MAF: variants seen among roughly 807,000 people sequenced by gnomAD.
MAF encodes the protein MAF bZIP transcription factor.
MAF carries 10 observed loss-of-function variants against 22.0 expected under a neutral mutation model. That is an observed-to-expected ratio of 0.45 (90% CI 0.28 to 0.77). The LOEUF (loss-of-function observed/expected upper bound fraction) is 0.77, where lower values mean the gene tolerates loss of function less well. MAF is among the 30% of genes least tolerant of loss of function. MAF has a pLI of 0.12. For synonymous variants in MAF, 337 were observed against 255.8 expected (o/e 1.32, Z -3.03); for missense variants, 544 against 548.4 (o/e 0.99, Z 0.08).
chr16:79,283,724 T>A, the MAF span, among the ~76,000 whole-genome samples: 1 of 152,100 alleles, frequency 6.6e-6, no homozygotes, highest in African/African-American at 2.4e-5. Context: ...ACAAAGGAAC[T>A]AATATTCTGA....
the MAF span, among the ~76,000 whole-genome samples, chr16:79,362,656 AGTTAGATC>A: frequency 1.3e-5 from 2 of 152,248 alleles, no homozygotes; most frequent in South Asian, 4.1e-4. Context: ...GGGGTAGTCA[AGTTAGATC>A]TAATAAGCCT....
At chr16:79,571,785 A>T in the MAF span, among the ~76,000 whole-genome samples, 3 of 152,088 alleles carry the variant, frequency 2.0e-5, no homozygotes, top group South Asian at 4.2e-4. Flanking sequence ...AGGAGCTCCA[A>T]CTGGACCCAT....
At chr16:79,308,594 T>C in the MAF span, among the ~76,000 whole-genome samples, 1 of 152,220 alleles carries the variant, frequency 6.6e-6, no homozygotes, top group Non-Finnish European at 1.5e-5. Flanking sequence ...TTTTCTGTTA[T>C]GCAAAAGCAT....
the MAF span, among the ~76,000 whole-genome samples, chr16:79,249,728 C>G: frequency 1.3e-5 from 2 of 152,166 alleles, no homozygotes; most frequent in Non-Finnish European, 2.9e-5. Context: ...GATACCCTCC[C>G]TGGCTGTTCC....
At chr16:79,345,177 A>G in the MAF span, among the ~76,000 whole-genome samples, 2 of 146,358 alleles carry the variant, frequency 1.4e-5, no homozygotes, top group Non-Finnish European at 3.0e-5. Context: ...AATGATTTGT[A>G]TAGTCTTCTC....
chr16:79,433,324 G>C, the MAF span, among the ~76,000 whole-genome samples: 2 of 150,280 alleles, frequency 1.3e-5, no homozygotes, highest in African/African-American at 4.9e-5. Context: ...AAAAAAGAGA[G>C]TTAGAAGATT....
the MAF span, among the ~76,000 whole-genome samples, chr16:79,222,589 G>T: frequency 1.3e-5 from 2 of 152,060 alleles, no homozygotes; most frequent in Non-Finnish European, 2.9e-5. Context: ...TGGCAAATTA[G>T]ATAAAGAGTC....
chr16:79,507,756 G>C, the MAF span, among the ~76,000 whole-genome samples: 8 of 152,146 alleles, frequency 5.3e-5, no homozygotes, highest in African/African-American at 1.9e-4. Flanking sequence ...CATGTGTTTG[G>C]GAAATCTCGT....
downstream of MAF, among the ~76,000 whole-genome samples, chr16:79,590,099 C>A (rs1913102401): frequency 6.6e-6 from 1 of 152,184 alleles, no homozygotes; most frequent in African/African-American, 2.4e-5. Context: ...CAGCCCCACG[C>A]AGCTGCAGCC....
chr16:79,354,531 G>T, the MAF span, among the ~76,000 whole-genome samples: 1 of 152,162 alleles, frequency 6.6e-6, no homozygotes, highest in African/African-American at 2.4e-5. Context: ...TTGAAGGATG[G>T]AAAGCACTGA....
the MAF span, among the ~76,000 whole-genome samples, chr16:79,415,306 G>C: frequency 1.3e-5 from 2 of 151,488 alleles, no homozygotes; most frequent in East Asian, 2.0e-4. Flanking sequence ...AAGGAAGGGA[G>C]GAAGGACGGA....
Position 79,593,987 on chromosome 16 carries a change from C to T in MAF, c.*473G>A, listed in dbSNP as rs1020705297. The T allele has an allele frequency of 1.4e-4, 30 of 214,608 alleles. No homozygotes were observed. Among genetic ancestry groups the T allele is most frequent in the Non-Finnish European group, 2.4e-4 (25 of 105,736 alleles). The allele number at this position is 214,608 out of a possible 1,614,324, so 13.3% of individuals were successfully genotyped here. On this transcript the variant is annotated 3_prime_UTR_variant, in exon 2 of 2. Coordinates refer to ENST00000326043, the MANE Select transcript of MAF (RefSeq NM_005360.5). ...GCTCGGCTCCGCTGGAGCCTCTGCC[C>T]GTGGATTTGTTTAGGGAAGGGGAGT...
chr16:79,483,913 G>C, the MAF span, among the ~76,000 whole-genome samples: 9 of 152,324 alleles, frequency 5.9e-5, no homozygotes, highest in Middle Eastern at 3.4e-3. Flanking sequence ...TGGCTCCTGA[G>C]AGGCAAGGCA....
chr16:79,391,052 CA>C, the MAF span, among the ~76,000 whole-genome samples: 2 of 152,292 alleles, frequency 1.3e-5, no homozygotes, highest in South Asian at 4.2e-4. Flanking sequence ...GCCTCTCCAC[CA>C]CTTGCTGTTA....
chr16:79,456,614 G>C, the MAF span, among the ~76,000 whole-genome samples: 3 of 152,182 alleles, frequency 2.0e-5, no homozygotes, highest in African/African-American at 4.8e-5. Context: ...GGCTCAATTA[G>C]AGAAAGCCGT....
chr16:79,551,829 G>C, the MAF span, among the ~76,000 whole-genome samples: 1 of 152,178 alleles, frequency 6.6e-6, no homozygotes, highest in Non-Finnish European at 1.5e-5. Flanking sequence ...TAGCTGAGTA[G>C]CTTGAGTAGC....
intron 1 of MAF, among the ~76,000 whole-genome samples, chr16:79,587,028 G>T (rs922200546): frequency 6.6e-6 from 1 of 152,194 alleles, no homozygotes; most frequent in East Asian, 1.9e-4. Flanking sequence ...CTAGGCTGCT[G>T]TAACAGAACA....
the MAF span, among the ~76,000 whole-genome samples, chr16:79,300,554 AAAACAAAC>A: frequency 1.2e-3 from 175 of 151,240 alleles, 1 homozygote; most frequent in Middle Eastern, 0.01. Context: ...ACTCCATCTC[AAAACAAAC>A]AAACAAACAA....
At chr16:79,421,407 G>A in the MAF span, among the ~76,000 whole-genome samples, 16 of 152,098 alleles carry the variant, frequency 1.1e-4, no homozygotes, top group Non-Finnish European at 2.1e-4. Flanking sequence ...CCTGGCAACC[G>A]CTGATCTTTT....
Sources: gnomAD v4.1 joint callset for allele counts (sites outside exome capture counted in the v4.1 genomes callset) on GRCh38, gnomAD v4.1.1 for gene constraint, MANE v1.5 for transcripts, NCBI Gene and HGNC (gene_info 2026-07-23, HGNC 2026-07-21) for gene names.